Variants in PPP4R3B observed in about 807,000 individuals in gnomAD.
PPP4R3B encodes protein phosphatase 4 regulatory subunit 3B.
Under a neutral mutation model 95.4 loss-of-function variants are expected in PPP4R3B, and 52 were observed. The ratio of observed to expected loss-of-function variants is 0.54; its 90% CI spans 0.44 to 0.69. The LOEUF is 0.69. Among genes scored for constraint, PPP4R3B ranks in the 30% least tolerant of loss-of-function variants. The pLI, the probability that PPP4R3B is intolerant of heterozygous loss-of-function variation, is 0.00. For synonymous variants in PPP4R3B, 407 were observed against 343.9 expected (o/e 1.18, Z -2.03); for missense variants, 1,003 against 1,005.9 (o/e 1.00, Z 0.04).
Position 55,588,945 on chromosome 2 carries a change from C to T in PPP4R3B, c.933G>A (p.Lys311=), listed in dbSNP as rs771257840. The change falls in exon 5 of 17, where the codon AAG becomes AAA. Residue 311 remains lysine (K), a synonymous_variant. Coordinates refer to ENST00000616407, the MANE Select transcript of PPP4R3B (RefSeq NM_001122964.3). ...ATTGTGCAAAAACTTCAGACAAAAA[C>T]TTCTCATCTTCCTGCATGAGAAAAA... is the stretch of plus-strand genomic sequence containing the variant. ...EIVSMLQEDE[K]FLSEVFAQLT... The T allele has an allele frequency of 6.2e-6, 10 of 1,600,860 alleles. No homozygotes were observed. Among genetic ancestry groups the T allele is most frequent in the Non-Finnish European group, 6.8e-6 (8 of 1,170,008 alleles).
At position 55,558,480 on chromosome 2, in the gene PPP4R3B, C is replaced by T. The variant is rs185327879; in HGVS notation, c.2454+295G>A. Among the ~76,000 whole-genome samples the T allele has an allele frequency of 7.0e-4, 106 of 152,060 alleles. 1 individual carries two copies. The East Asian group carries it at 0.01, about 15-fold the overall frequency. On this transcript the variant is annotated intron_variant, in intron 16 of 16. Coordinates refer to ENST00000616407, the MANE Select transcript of PPP4R3B (RefSeq NM_001122964.3). ...AAAATTAGCTGGGTGTGGTGGCACG[C>T]GCCTGTAGTCCCAGCTACTTGGGAG...
chr2:55,571,913 C>A (rs1324582492), intron 12 of PPP4R3B, among the ~76,000 whole-genome samples: 1 of 152,240 alleles, frequency 6.6e-6, no homozygotes, highest in Non-Finnish European at 1.5e-5. Context: ...AGCCACTGCG[C>A]CTGGCCAACA....
At chr2:55,558,559 G>A (rs1323234864) in intron 16 of PPP4R3B, among the ~76,000 whole-genome samples, 1 of 152,044 alleles carries the variant, frequency 6.6e-6, no homozygotes, top group Non-Finnish European at 1.5e-5. Flanking sequence ...AGTGAGCTGA[G>A]ATCACTCCAC....
intron 4 of PPP4R3B, among the ~76,000 whole-genome samples, chr2:55,596,407 A>G (rs1470718908): frequency 6.6e-6 from 1 of 152,242 alleles, no homozygotes; most frequent in Non-Finnish European, 1.5e-5. Flanking sequence ...GAATGACAAT[A>G]CCATGTGCAG....
At chr2:55,574,210 T>C (rs377357709) in intron 11 of PPP4R3B, among the ~76,000 whole-genome samples, 36 of 151,870 alleles carry the variant, frequency 2.4e-4, no homozygotes, top group African/African-American at 8.2e-4. Context: ...TCCATTTTCA[T>C]ATCCATTTAA....
rs570198949 is a variant in PPP4R3B, at chr2:55,557,075, G to GACA, written c.2454+1699_2454+1700insTGT. ...GAGACTCTGTAACAACAACGACGAC[G>GACA]ACGACGACGAAGCAGGAAGGCAGGG... On this transcript the variant is annotated intron_variant, in intron 16 of 16. Coordinates refer to ENST00000616407, the MANE Select transcript of PPP4R3B (RefSeq NM_001122964.3). Among the ~76,000 whole-genome samples, 426 of 152,178 alleles carry GACA rather than the reference G, an allele frequency of 2.8e-3. 4 individuals are homozygous for GACA. Among genetic ancestry groups the GACA allele is most frequent in the African/African-American group, 9.9e-3 (411 of 41,512 alleles).
At chr2:55,569,422 T>C (rs1268161133) in intron 12 of PPP4R3B, among the ~76,000 whole-genome samples, 1 of 152,202 alleles carries the variant, frequency 6.6e-6, no homozygotes, top group African/African-American at 2.4e-5. Context: ...GCCTAATTGT[T>C]TCCCTGTGAT....
chr2:55,599,133 C>T (rs1447408645), intron 3 of PPP4R3B, 94 bp from the exon 4 acceptor site: 1 of 1,181,248 alleles, frequency 8.5e-7, no homozygotes, highest in Admixed American at 2.8e-5. Context: ...TGGCTAGTCA[C>T]TACTAATTAA....
At chr2:55,563,653 C>T (rs1307540685) in intron 15 of PPP4R3B, among the ~76,000 whole-genome samples, 5 of 152,222 alleles carry the variant, frequency 3.3e-5, no homozygotes, top group African/African-American at 4.8e-5. Flanking sequence ...GGATTACAGA[C>T]GTGAGCCGCC....
At chr2:55,561,795 G>C (rs944985548) in intron 15 of PPP4R3B, among the ~76,000 whole-genome samples, 3 of 152,220 alleles carry the variant, frequency 2.0e-5, no homozygotes, top group Non-Finnish European at 4.4e-5. Context: ...TTGTATCTTG[G>C]AGGTAACTAA....
intron 12 of PPP4R3B, among the ~76,000 whole-genome samples, chr2:55,572,482 T>C (rs1192208381): frequency 1.3e-5 from 2 of 152,192 alleles, no homozygotes; most frequent in African/African-American, 4.8e-5. Flanking sequence ...TATGAAAAGA[T>C]GCTGTCAGGG....
intron 6 of PPP4R3B, among the ~76,000 whole-genome samples, chr2:55,585,401 A>G (rs1440770774): frequency 6.6e-6 from 1 of 152,230 alleles, no homozygotes; most frequent in African/African-American, 2.4e-5. Context: ...AAATAAATAT[A>G]CAGAGAATTT....
At chr2:55,564,823 T>C in intron 14 of PPP4R3B, 79 bp downstream of exon 14, 1 of 1,537,942 alleles carries the variant, frequency 6.5e-7, no homozygotes, top group Non-Finnish European at 8.8e-7. Context: ...CCTCAGTAAA[T>C]TTCACATGGA....
chr2:55,607,265 T>C (rs1468045380), intron 2 of PPP4R3B, among the ~76,000 whole-genome samples: 2 of 152,198 alleles, frequency 1.3e-5, no homozygotes, highest in African/African-American at 2.4e-5. Context: ...TGTTCTCCAA[T>C]TCACCTTCGA....
Position 55,549,885 on chromosome 2 carries a change from A to G in PPP4R3B, c.*26T>C. On this transcript the variant is annotated 3_prime_UTR_variant, in exon 17 of 17. Coordinates refer to ENST00000616407, the MANE Select transcript of PPP4R3B (RefSeq NM_001122964.3). ...AACAGTTGCAGCATTGTAAGACCAC[A>G]TGTTGAGGGTCCCCTAATAAATATT... 1 of 1,529,116 alleles carries G rather than the reference A, an allele frequency of 6.5e-7. No homozygotes were observed. The highest frequency in any genetic ancestry group is 9.1e-7 in the Non-Finnish European group (1 of 1,102,704). 94.7% of individuals were successfully genotyped at this position (1,529,116 alleles called of 1,614,324 possible). A position where few individuals can be genotyped will look rare whatever the true frequency, so the allele number is the denominator to read the frequency against.
Position 55,564,480 on chromosome 2 carries a change from C to T in PPP4R3B, c.2093G>A (p.Arg698His), listed in dbSNP as rs778866855. Reference sequence around the variant, plus strand: ...TGCATCTCTGCGAAATCTGTTACTACGCAATATAGATGGTACACTGTAAGA... The same window carrying T: ...TGCATCTCTGCGAAATCTGTTACTATGCAATATAGATGGTACACTGTAAGA... ...QKLNSVPSIL[R>H]SNRFRRDAKA... is the part of the protein sequence containing the mutation. Residue 698 changes from arginine to histidine, a missense_variant, in exon 15 of 17, where the codon CGT becomes CAT. Arg to His is a conservative substitution (Grantham distance 29, BLOSUM62 0). Around this residue, in one of 3 missense-constraint regions of PPP4R3B, gnomAD observed 229 missense variants for 194.7 expected, o/e 1.18. Transcript: ENST00000616407. 1.2e-4 allele frequency: 197 copies of T among 1,609,668 alleles called. No individual in the cohort carries two copies. Among genetic ancestry groups the T allele is most frequent in the Non-Finnish European group, 1.6e-4 (189 of 1,178,588 alleles).
At chr2:55,576,331 G>C (rs572394205) in intron 11 of PPP4R3B, among the ~76,000 whole-genome samples, 23 of 152,086 alleles carry the variant, frequency 1.5e-4, no homozygotes, top group Non-Finnish European at 2.9e-4. Context: ...CTGGGTGACA[G>C]AGTGAGACTC....
intron 2 of PPP4R3B, among the ~76,000 whole-genome samples, chr2:55,608,299 C>T (rs575328454): frequency 6.6e-6 from 1 of 152,310 alleles, no homozygotes; most frequent in South Asian, 2.1e-4. Context: ...GCCACTGCAC[C>T]CAGCCCCTCA....
chr2:55,567,456 A>T (rs1408844291), intron 13 of PPP4R3B, among the ~76,000 whole-genome samples: 4 of 151,970 alleles, frequency 2.6e-5, no homozygotes, highest in Non-Finnish European at 4.4e-5. Context: ...TTGCTCTGTC[A>T]CCCAGGCTGG....
Sources: allele counts gnomAD v4.1 joint callset (sites outside exome capture counted in the v4.1 genomes callset), GRCh38; gene constraint gnomAD v4.1.1; regional missense constraint gnomAD v4.1.1; transcripts MANE v1.5; gene names NCBI Gene and HGNC (gene_info 2026-07-23, HGNC 2026-07-21).